Variants in ZNF233 observed in about 807,000 individuals in gnomAD.
ZNF233 encodes the protein zinc finger protein 233.
ZNF233 carries 7 observed loss-of-function variants against 11.6 expected under a neutral mutation model. The ratio of observed to expected loss-of-function variants is 0.60; its 90% CI spans 0.34 to 1.13. The LOEUF is 1.13. Among genes scored for constraint, ZNF233 ranks in the 50% most tolerant of loss-of-function variants. The pLI is 0.03. For missense variants in ZNF233, 711 were observed against 785.5 expected, an observed-to-expected ratio of 0.91 and a Z score of 1.13; for synonymous variants, 226 against 268.5, an observed-to-expected ratio of 0.84 and a Z score of 1.55.
At position 44,270,446 on chromosome 19, in the gene ZNF233, C is replaced by T. The variant is rs187810078; in HGVS notation, c.239-2453C>T. ...TGAGGCAGGAGAATCACTTGAACCC[C>T]GGAGGCAGAGGTTGCAATGAGCTGA... On this transcript the variant is annotated intron_variant, in intron 4 of 4. Transcript: ENST00000683810. Among the ~76,000 whole-genome samples, 28 of 151,970 alleles carry T rather than the reference C, an allele frequency of 1.8e-4. No individual in the cohort carries two copies. In the East Asian group the frequency reaches 5.2e-3, roughly 28 times the overall value.
chr19:44,260,454 ACTCGCCC>A (rs2123031488), intron 1 of ZNF233, among the ~76,000 whole-genome samples: 1 of 151,212 alleles, frequency 6.6e-6, no homozygotes, highest in East Asian at 1.9e-4. Context: ...GTGCAGCGCT[ACTCGCCC>A]TTCTCTGATC....
chr19:44,267,382 C>A, intron 4 of ZNF233: 2 of 391,382 alleles, frequency 5.1e-6, no homozygotes, highest in South Asian at 2.6e-4. Context: ...TAAGACAGGT[C>A]TCACTCTGTG....
chr19:44,260,590 G>A (rs994366717), intron 1 of ZNF233, among the ~76,000 whole-genome samples: 2 of 152,098 alleles, frequency 1.3e-5, no homozygotes, highest in Non-Finnish European at 2.9e-5. Flanking sequence ...TCACCTCCAT[G>A]TGGTGCCTGG....
intron 2 of ZNF233, among the ~76,000 whole-genome samples, chr19:44,265,982 TA>T (rs1440681014): frequency 3.9e-5 from 6 of 152,214 alleles, no homozygotes; most frequent in Admixed American, 1.3e-4. Flanking sequence ...ACACAGGGGT[TA>T]TTTTTTAGTA....
At chr19:44,268,910 G>A (rs908089072) in intron 4 of ZNF233, among the ~76,000 whole-genome samples, 8 of 151,916 alleles carry the variant, frequency 5.3e-5, no homozygotes, top group Admixed American at 3.3e-4. Flanking sequence ...GCACCAAAAC[G>A]CAAAAACTAA....
chr19:44,273,442 A>T lies in ZNF233; in HGVS notation c.782A>T (p.Asp261Val), dbSNP rs1568636966. 1 of 1,614,224 alleles carries T rather than the reference A, an allele frequency of 6.2e-7. No homozygotes were observed. The highest frequency in any genetic ancestry group is 2.2e-5 in the East Asian group (1 of 44,884). ...ATCCAATCAGGAGAGCAAACCTCTG[A>T]TGAAAATGGAAAAGGCTTAAGTGTT... ...SIIQSGEQTS[D>V]ENGKGLSVGS... is the part of the protein sequence containing the mutation. Residue 261 changes from aspartate (D) to valine (V), a missense_variant, in exon 5 of 5, where the codon GAT becomes GTT. Coordinates refer to ENST00000683810, the MANE Select transcript of ZNF233 (RefSeq NM_001207005.2).
At position 44,273,757 on chromosome 19, in the gene ZNF233, G is replaced by T. The variant is rs376029336; in HGVS notation, c.1097G>T (p.Gly366Val). 7 of 1,614,190 alleles carry T rather than the reference G, an allele frequency of 4.3e-6. No individual in the cohort carries two copies. Among genetic ancestry groups the T allele is most frequent in the Non-Finnish European group, 5.9e-6 (7 of 1,180,028 alleles). Residue 366 changes from glycine (G) to valine (V), a missense_variant, in exon 5 of 5, where the codon GGA becomes GTA. Coordinates refer to ENST00000683810, the MANE Select transcript of ZNF233 (RefSeq NM_001207005.2). ...CLPSHELTHP[G>V]EKLCTCGRCG... ...CCCTCTCATGAGCTTACTCACCCAGGAGAGAAGTTGTGTACATGTGGCAGG... is the reference window on the plus strand; with the variant it reads ...CCCTCTCATGAGCTTACTCACCCAGTAGAGAAGTTGTGTACATGTGGCAGG...
At chr19:44,269,276 A>G (rs1276715181) in intron 4 of ZNF233, among the ~76,000 whole-genome samples, 1 of 149,084 alleles carries the variant, frequency 6.7e-6, no homozygotes, top group Non-Finnish European at 1.5e-5. Flanking sequence ...TTGCCTCCTT[A>G]GCAAATCTTG....
chr19:44,273,381 A>G lies in ZNF233; in HGVS notation c.721A>G (p.Lys241Glu), dbSNP rs1975297899. 6.2e-7 allele frequency: 1 copy of G among 1,614,134 alleles called. No individual in the cohort carries two copies. Among genetic ancestry groups the G allele is most frequent in the Admixed American group, 1.7e-5 (1 of 60,010 alleles). Residue 241 changes from lysine to glutamate, a missense_variant, in exon 5 of 5, where the codon AAA (lysine) becomes GAA (glutamate). By Grantham distance (56) the Lys-to-Glu change is moderately conservative (BLOSUM62 1). Transcript: ENST00000683810. ...EKAFSHNNCGKDCVKESSQHS... is the reference protein window; with the variant it reads ...EKAFSHNNCGEDCVKESSQHS... ...AGCTTTTAGCCACAATAATTGTGGA[A>G]AAGACTGTGTGAAGGAATCATCCCA... is the stretch of plus-strand genomic sequence containing the variant.
rs201402738 is a variant in ZNF233, at chr19:44,266,152, C to A, written c.16-46C>A. The A allele has an allele frequency of 1.2e-4, 184 of 1,566,100 alleles. 1 individual carries two copies. The highest frequency in any genetic ancestry group is 7.2e-4 in the South Asian group (62 of 85,668). ...CTGCTCAGTGCTGCCTCTCTCCCAG[C>A]AGTTATTGGCCATAAGATTGAGATT... On this transcript the variant is annotated intron_variant, in intron 2 of 4. Transcript: ENST00000683810.
chr19:44,273,010 C>T lies in ZNF233; in HGVS notation c.350C>T (p.Thr117Ile), dbSNP rs760864705. ...QIWEQFTSKLTSNQDLIINLQ... is the reference protein window; with the variant it reads ...QIWEQFTSKLISNQDLIINLQ... The stretch of plus-strand genomic sequence containing the variant: ...TGGGAACAATTTACAAGTAAATTAA[C>T]CAGTAATCAAGACCTAATAATAAAT... Residue 117 changes from threonine (T) to isoleucine (I), a missense_variant, in exon 5 of 5, where the codon ACC becomes ATC. Transcript: ENST00000683810. 6 of 1,613,760 alleles carry T rather than the reference C, an allele frequency of 3.7e-6. No individual in the cohort carries two copies. The African/African-American group carries it at 8.0e-5, about 22-fold the overall frequency.
At chr19:44,271,512 A>ATT (rs777837579) in intron 4 of ZNF233, among the ~76,000 whole-genome samples, 6 of 142,958 alleles carry the variant, frequency 4.2e-5, no homozygotes, top group Admixed American at 7.0e-5. Flanking sequence ...AGAGGAGAGG[A>ATT]TTTTTTTTTT....
In ZNF233 at chr19:44,273,410, T is replaced by G. The variant is rs199774855; in HGVS notation, c.750T>G (p.His250Gln). 8.1e-6 allele frequency: 13 copies of G among 1,614,076 alleles called. 1 individual carries two copies. The African/African-American group carries it at 1.1e-4, about 13-fold the overall frequency. Reference protein sequence around the residue: ...GKDCVKESSQHSIIQSGEQTS... With the variant: ...GKDCVKESSQQSIIQSGEQTS... ...ACTGTGTGAAGGAATCATCCCAGCA[T>G]AGCATAATCCAATCAGGAGAGCAAA... The change falls in exon 5 of 5, where the codon CAT (histidine) becomes CAG (glutamine). Residue 250 changes from histidine (H) to glutamine (Q), a missense_variant. Coordinates refer to ENST00000683810, the MANE Select transcript of ZNF233 (RefSeq NM_001207005.2).
chr19:44,264,629 C>T (rs903260728), intron 2 of ZNF233, among the ~76,000 whole-genome samples: 1 of 152,156 alleles, frequency 6.6e-6, no homozygotes, highest in African/African-American at 2.4e-5. Context: ...GAGAAAACCT[C>T]CACATTACTA....
At position 44,274,823 on chromosome 19, in the gene ZNF233, G is replaced by T; in HGVS notation, c.*150G>T. ...ATGAGCTGAGTTTTTATAGTTATCT[G>T]AATTCCATTGAAGAAAACCTATTTT... On this transcript the variant is annotated 3_prime_UTR_variant, in exon 5 of 5. Coordinates refer to ENST00000683810, the MANE Select transcript of ZNF233 (RefSeq NM_001207005.2). 1.5e-6 allele frequency: 1 copy of T among 662,314 alleles called. No individual in the cohort carries two copies. Among genetic ancestry groups the T allele is most frequent in the South Asian group, 3.0e-5 (1 of 33,166 alleles). The allele number at this position is 662,314 out of a possible 1,614,324, so 41.0% of individuals were successfully genotyped here. A position where few individuals can be genotyped will look rare whatever the true frequency, so the allele number is the denominator to read the frequency against.
intron 2 of ZNF233, among the ~76,000 whole-genome samples, chr19:44,265,808 C>T (rs1975066047): frequency 6.6e-6 from 1 of 152,172 alleles, no homozygotes; most frequent in African/African-American, 2.4e-5. Flanking sequence ...TATAAACGTG[C>T]ATGTACAAAC....
chr19:44,260,928 G>T (rs891343784), intron 1 of ZNF233, among the ~76,000 whole-genome samples: 1 of 152,196 alleles, frequency 6.6e-6, no homozygotes, highest in Non-Finnish European at 1.5e-5. Context: ...TTGAGTGCCA[G>T]GGTCTCTTCT....
At chr19:44,267,548 G>GT (rs34337187) in intron 4 of ZNF233, 154,180 of 349,446 alleles carry the variant, frequency 0.44, 17,056 homozygotes, top group South Asian at 0.6. Flanking sequence ...ATATATACAT[G>GT]TTTTTTTTTT....
chr19:44,265,975 CAG>C (rs371119510), intron 2 of ZNF233, among the ~76,000 whole-genome samples: 33 of 152,240 alleles, frequency 2.2e-4, no homozygotes, highest in African/African-American at 4.8e-4. Context: ...ATTAAATACA[CAG>C]GGGTTATTTT....
Sources: gnomAD v4.1 joint callset for allele counts (sites outside exome capture counted in the v4.1 genomes callset) on GRCh38, gnomAD v4.1.1 for gene constraint, MANE v1.5 for transcripts, NCBI Gene and HGNC (gene_info 2026-07-23, HGNC 2026-07-21) for gene names.